The following FHIT variants were observed in gnomAD, a reference collection of about 807,000 sequenced individuals.
FHIT encodes the protein bis(5'-adenosyl)-triphosphatase.
Under a neutral mutation model 17.9 loss-of-function variants are expected in FHIT, and 19 were observed. The observed-to-expected ratio is 1.06, with a 90% CI of 0.74 to 1.56. The LOEUF (loss-of-function observed/expected upper bound fraction) is 1.56, where lower values mean the gene tolerates loss of function less well. Ranked by LOEUF, FHIT falls within the 40% of genes most tolerant of loss-of-function variation. The probability of loss-of-function intolerance (pLI) is 0.00; values close to 1 mark genes in which losing one functional copy is unlikely to be tolerated. For missense variants in FHIT, 248 were observed against 189.2 expected (o/e 1.31, Z -1.82); for synonymous variants, 81 against 69.7 (o/e 1.16, Z -0.81).
chr3:59,875,272 T>G (rs1703100879), intron 8 of FHIT, among the ~76,000 whole-genome samples: 1 of 152,216 alleles, frequency 6.6e-6, no homozygotes, highest in African/African-American at 2.4e-5. Context: ...CTGGTTGACC[T>G]CTGAGGCGAC....
At chr3:60,021,311 C>T (rs999663396) in intron 5 of FHIT, among the ~76,000 whole-genome samples, 1 of 152,136 alleles carries the variant, frequency 6.6e-6, no homozygotes, top group African/African-American at 2.4e-5. Flanking sequence ...ACTCCGGTAC[C>T]GATCTGGATG....
At chr3:59,876,205 G>A (rs1007214429) in intron 8 of FHIT, among the ~76,000 whole-genome samples, 2 of 151,248 alleles carry the variant, frequency 1.3e-5, no homozygotes, top group African/African-American at 4.8e-5. Context: ...ATATATATAT[G>A]TATATATGCA....
rs551412980 is a variant in FHIT at position 60,340,624 on chromosome 3, C to A, written c.103+196236G>T. ...ATGTCAGAATATGCAAGACGATGGG[C>A]TGCAGGATAATTAATTATTGAGAAT... On this transcript the variant is annotated intron_variant, in intron 5 of 9. Coordinates refer to ENST00000492590, the MANE Select transcript of FHIT (RefSeq NM_002012.4). Among the ~76,000 whole-genome samples, 94 of 152,322 alleles carry A rather than the reference C, an allele frequency of 6.2e-4. 1 individual carries two copies. The South Asian group carries it at 0.019, about 31-fold the overall frequency.
At chr3:61,177,126 G>C (rs957087395) in intron 2 of FHIT, among the ~76,000 whole-genome samples, 1 of 150,690 alleles carries the variant, frequency 6.6e-6, no homozygotes, top group Non-Finnish European at 1.5e-5. Context: ...GCAGTGAGCC[G>C]AGATTGCACC....
intron 5 of FHIT, among the ~76,000 whole-genome samples, chr3:60,028,518 G>A (rs1350774845): frequency 6.6e-6 from 1 of 152,206 alleles, no homozygotes; most frequent in East Asian, 1.9e-4. Flanking sequence ...AGCAAAGTAT[G>A]TAGTTTTGTA....
chr3:60,180,195 G>A (rs1156891436), intron 5 of FHIT, among the ~76,000 whole-genome samples: 3 of 152,128 alleles, frequency 2.0e-5, no homozygotes, highest in Non-Finnish European at 4.4e-5. Context: ...ATGCTGAAGT[G>A]ATTTTTAACT....
chr3:59,776,458 T>C (rs993655724), intron 8 of FHIT, among the ~76,000 whole-genome samples: 2 of 152,100 alleles, frequency 1.3e-5, no homozygotes, highest in Admixed American at 6.5e-5. Context: ...ATACAGGACA[T>C]TGCACAGGCT....
At chr3:60,358,628 T>C (rs1000025496) in intron 5 of FHIT, among the ~76,000 whole-genome samples, 13 of 152,170 alleles carry the variant, frequency 8.5e-5, no homozygotes, top group African/African-American at 3.1e-4. Context: ...GAAAGGCTAA[T>C]AAACATTGCT....
intron 8 of FHIT, among the ~76,000 whole-genome samples, chr3:59,896,546 G>A (rs995066797): frequency 2.6e-5 from 4 of 151,948 alleles, no homozygotes; most frequent in Admixed American, 2.0e-4. Context: ...AATCTCCCTC[G>A]TTCTCTTTAT....
intron 5 of FHIT, among the ~76,000 whole-genome samples, chr3:60,389,794 C>A (rs185716859): frequency 1.8e-4 from 27 of 152,174 alleles, no homozygotes; most frequent in Non-Finnish European, 3.4e-4. Context: ...CTACTATACA[C>A]CTGTCAGAAC....
At chr3:60,569,754 T>TAC (rs2037302350) in intron 4 of FHIT, among the ~76,000 whole-genome samples, 1 of 86,814 alleles carries the variant, frequency 1.2e-5, no homozygotes, top group Non-Finnish European at 2.3e-5. Flanking sequence ...TATATATATA[T>TAC]ATTTTTTTTT....
intron 5 of FHIT, among the ~76,000 whole-genome samples, chr3:60,314,430 C>T (rs1424015791): frequency 6.6e-6 from 1 of 152,078 alleles, no homozygotes; most frequent in African/African-American, 2.4e-5. Flanking sequence ...AAATAAAACT[C>T]AAAGCCCAGA....
intron 5 of FHIT, among the ~76,000 whole-genome samples, chr3:60,296,759 G>C (rs547096493): frequency 6.6e-6 from 1 of 152,064 alleles, no homozygotes; most frequent in African/African-American, 2.4e-5. Flanking sequence ...TCCTCTGCTA[G>C]TTTCTAAAAG....
chr3:59,997,670 A>T (rs919881368), intron 7 of FHIT, among the ~76,000 whole-genome samples: 1 of 152,176 alleles, frequency 6.6e-6, no homozygotes, highest in South Asian at 2.1e-4. Context: ...GATGTTCACA[A>T]ATCAACTTAT....
At chr3:60,591,911 C>A (rs1418149167) in intron 4 of FHIT, among the ~76,000 whole-genome samples, 1 of 151,894 alleles carries the variant, frequency 6.6e-6, no homozygotes, top group Non-Finnish European at 1.5e-5. Context: ...GGAGCATTTA[C>A]CCCGACCATA....
intron 2 of FHIT, among the ~76,000 whole-genome samples, chr3:61,135,795 A>G (rs902727466): frequency 2.3e-4 from 35 of 152,360 alleles, no homozygotes; most frequent in African/African-American, 8.2e-4. Context: ...TTCATCAAAT[A>G]CGTGGACTAG....
At chr3:59,864,782 TA>T (rs1223184601) in intron 8 of FHIT, among the ~76,000 whole-genome samples, 1 of 150,600 alleles carries the variant, frequency 6.6e-6, no homozygotes, top group Non-Finnish European at 1.5e-5. Context: ...CATTCAGACT[TA>T]ACCCTTTCTG....
chr3:60,792,628 C>T (rs1255328200), intron 4 of FHIT, among the ~76,000 whole-genome samples: 6 of 152,198 alleles, frequency 3.9e-5, no homozygotes, highest in Admixed American at 2.0e-4. Context: ...AAAGATGCTG[C>T]ACCCAAATGA....
chr3:59,810,330 G>A (rs1700365425), intron 8 of FHIT, among the ~76,000 whole-genome samples: 1 of 152,140 alleles, frequency 6.6e-6, no homozygotes, highest in African/African-American at 2.4e-5. Context: ...GAGACCAATG[G>A]GGACAGTATT....
Sources: allele counts gnomAD v4.1 joint callset (sites outside exome capture counted in the v4.1 genomes callset), GRCh38; gene constraint gnomAD v4.1.1; transcripts MANE v1.5; gene names NCBI Gene and HGNC (gene_info 2026-07-23, HGNC 2026-07-21).